DYM: variants seen among roughly 807,000 people sequenced by gnomAD.
The protein encoded by DYM is dyggve-Melchior-Clausen syndrome protein.
Under a neutral mutation model 93.1 loss-of-function variants are expected in DYM, and 78 were observed. That is an observed-to-expected ratio of 0.84 (90% CI 0.70 to 1.01). The LOEUF (loss-of-function observed/expected upper bound fraction) is 1.01, where lower values mean the gene tolerates loss of function less well. Ranked by LOEUF, DYM falls within the 50% of genes least tolerant of loss-of-function variation. DYM has a pLI of 0.00. For synonymous variants in DYM, 321 were observed against 319.7 expected (o/e 1.00, Z -0.04); for missense variants, 789 against 845.0 (o/e 0.93, Z 0.82).
intron 13 of DYM, among the ~76,000 whole-genome samples, chr18:49,242,356 C>G (rs138909034): frequency 1.3e-4 from 20 of 152,084 alleles, no homozygotes; most frequent in African/African-American, 4.8e-4. Flanking sequence ...GGAGGTTGCA[C>G]TGAGTGGGAA....
At chr18:49,251,033 C>T (rs560924036) in intron 13 of DYM, among the ~76,000 whole-genome samples, 4 of 152,312 alleles carry the variant, frequency 2.6e-5, no homozygotes, top group African/African-American at 9.6e-5. Context: ...CTGGCCTCTA[C>T]CCACTAGATG....
chr18:49,112,954 C>A (rs2081559230), intron 16 of DYM, among the ~76,000 whole-genome samples: 1 of 152,176 alleles, frequency 6.6e-6, no homozygotes, highest in African/African-American at 2.4e-5. Context: ...CAATCTCCTA[C>A]CGGTATTCTA....
intron 14 of DYM, among the ~76,000 whole-genome samples, chr18:49,204,494 C>T (rs908378261): frequency 2.0e-5 from 3 of 152,118 alleles, no homozygotes; most frequent in African/African-American, 4.8e-5. Flanking sequence ...AAAATAAAGA[C>T]AAATAGGTAC....
chr18:49,142,724 A>C lies in DYM; in HGVS notation c.1728+20961T>G, dbSNP rs565567602. ...GTAAACAACAAGTCCTTTTTGGTAT[A>C]AAATTTTCAAGTTACTTACCAAAGA... On this transcript the variant is annotated intron_variant, in intron 15 of 17. Transcript: ENST00000675505. Among the ~76,000 whole-genome samples, 3 of 152,302 alleles carry C rather than the reference A, an allele frequency of 2.0e-5. No homozygotes were observed. In the South Asian group the frequency reaches 6.2e-4, roughly 32 times the overall value.
intron 1 of DYM, among the ~76,000 whole-genome samples, chr18:49,451,405 T>G (rs1371418976): frequency 6.6e-6 from 1 of 152,158 alleles, no homozygotes; most frequent in African/African-American, 2.4e-5. Flanking sequence ...AAAAGCCCCA[T>G]GGGAAGAACT....
At chr18:49,441,273 ATAT>A (rs2081544011) in intron 1 of DYM, among the ~76,000 whole-genome samples, 6 of 34,020 alleles carry the variant, frequency 1.8e-4, no homozygotes, top group Non-Finnish European at 2.5e-4. Context: ...TATATAATAT[ATAT>A]TATATAATTA....
chr18:49,092,024 C>G (rs1016392769), intron 17 of DYM, among the ~76,000 whole-genome samples: 4 of 152,104 alleles, frequency 2.6e-5, no homozygotes, highest in African/African-American at 7.2e-5. Context: ...TAGGCAATAT[C>G]GGAGCCCATC....
chr18:49,124,075 G>C (rs986268861), intron 15 of DYM, among the ~76,000 whole-genome samples: 1 of 152,186 alleles, frequency 6.6e-6, no homozygotes, highest in South Asian at 2.1e-4. Context: ...TTGAGAGTTT[G>C]TTCTCAATGT....
rs368127797 is a variant in DYM at position 49,260,237 on chromosome 18, G to A, written c.1252-1744C>T. Among the ~76,000 whole-genome samples the A allele has an allele frequency of 1.5e-4, 23 of 152,256 alleles. No homozygotes were observed. The South Asian group carries it at 4.2e-3, about 27-fold the overall frequency. The stretch of plus-strand genomic sequence containing the variant: ...TCTCTAAGAATACAAAAAATTAGCC[G>A]GGTGTAGTAGTGTACGCCTATATAG... On this transcript the variant is annotated intron_variant, in intron 11 of 17. Coordinates refer to ENST00000675505, the MANE Select transcript of DYM (RefSeq NM_001353214.3).
At chr18:49,186,920 C>CTTTTTTTT (rs57080617) in intron 14 of DYM, among the ~76,000 whole-genome samples, 2 of 117,810 alleles carry the variant, frequency 1.7e-5, no homozygotes, top group Non-Finnish European at 3.4e-5. Context: ...ACACAATCTT[C>CTTTTTTTT]TTTTTTTTTT....
At chr18:49,118,511 A>C (rs1043858145) in intron 16 of DYM, among the ~76,000 whole-genome samples, 1 of 152,192 alleles carries the variant, frequency 6.6e-6, no homozygotes, top group Non-Finnish European at 1.5e-5. Context: ...AAAGTAAAAA[A>C]GTCAGAATAA....
intron 8 of DYM, among the ~76,000 whole-genome samples, chr18:49,299,251 G>C (rs182822329): frequency 2.6e-5 from 4 of 152,232 alleles, no homozygotes; most frequent in Admixed American, 2.6e-4. Flanking sequence ...TTCCCACATA[G>C]TACAAGAATA....
chr18:49,379,528 T>A, intron 4 of DYM, 137 bp downstream of exon 4: 1 of 777,022 alleles, frequency 1.3e-6, no homozygotes. Context: ...AAAACCTCTC[T>A]ACCTTTTTTT....
chr18:49,150,951 T>C (rs1378036484), intron 15 of DYM, among the ~76,000 whole-genome samples: 3 of 152,212 alleles, frequency 2.0e-5, no homozygotes, highest in Non-Finnish European at 4.4e-5. Flanking sequence ...AAATGTCAAC[T>C]GTCCAAGAAT....
intron 14 of DYM, among the ~76,000 whole-genome samples, chr18:49,199,036 T>C (rs181664868): frequency 6.6e-6 from 1 of 152,304 alleles, no homozygotes; most frequent in African/African-American, 2.4e-5. Context: ...CACCATGGAA[T>C]ACTATGTGGC....
chr18:49,291,755 C>A (rs2060128968), intron 8 of DYM, among the ~76,000 whole-genome samples: 1 of 151,922 alleles, frequency 6.6e-6, no homozygotes, highest in South Asian at 2.1e-4. Context: ...TAATTATAGA[C>A]CACAAATTTA....
At chr18:49,354,400 T>C (rs1184110296) in intron 6 of DYM, among the ~76,000 whole-genome samples, 1 of 152,078 alleles carries the variant, frequency 6.6e-6, no homozygotes, top group Non-Finnish European at 1.5e-5. Flanking sequence ...TTTCCTACTC[T>C]GTGAAAGACA....
intron 2 of DYM, among the ~76,000 whole-genome samples, chr18:49,402,320 C>T (rs775303261): frequency 6.6e-6 from 1 of 152,128 alleles, no homozygotes; most frequent in African/African-American, 2.4e-5. Flanking sequence ...CAAAATAAAA[C>T]ACAAACATTA....
At chr18:49,103,113 T>C (rs1008411991) in intron 16 of DYM, among the ~76,000 whole-genome samples, 3 of 152,226 alleles carry the variant, frequency 2.0e-5, no homozygotes, top group African/African-American at 4.8e-5. Context: ...CCATTCTAAC[T>C]GGTGTGAGAT....
Sources: gnomAD v4.1 joint callset for allele counts (sites outside exome capture counted in the v4.1 genomes callset) on GRCh38, gnomAD v4.1.1 for gene constraint, MANE v1.5 for transcripts, NCBI Gene and HGNC (gene_info 2026-07-23, HGNC 2026-07-21) for gene names.